The following RIN3 variants were observed in gnomAD, a reference collection of about 807,000 sequenced individuals.
RIN3 encodes RAB5 interacting protein 3.
Under a neutral mutation model 76.3 loss-of-function variants are expected in RIN3, and 54 were observed. The observed-to-expected ratio is 0.71, with a 90% CI of 0.57 to 0.89. RIN3 has a LOEUF of 0.89. Among genes scored for constraint, RIN3 ranks in the 40% least tolerant of loss-of-function variants. The pLI is 0.00. For missense variants in RIN3, 1,256 were observed against 1,322.1 expected (o/e 0.95, Z 0.78); for synonymous variants, 576 against 564.0 (o/e 1.02, Z -0.30).
intron 1 of RIN3, among the ~76,000 whole-genome samples, chr14:92,533,460 C>T (rs1180034738): frequency 2.6e-5 from 4 of 152,124 alleles, no homozygotes; most frequent in Non-Finnish European, 1.5e-5. Context: ...TGGAACCAGC[C>T]CAAATGCCCA....
At position 92,652,947 on chromosome 14, in the gene RIN3, G is replaced by T; in HGVS notation, c.1898G>T (p.Arg633Leu). 1 of 1,613,818 alleles carries T rather than the reference G, an allele frequency of 6.2e-7. No homozygotes were observed. Among genetic ancestry groups the T allele is most frequent in the Non-Finnish European group, 8.5e-7 (1 of 1,180,022 alleles). The change falls in exon 6 of 10, where the codon CGC becomes CTC. Residue 633 changes from arginine (R) to leucine (L), a missense_variant. By Grantham distance (102) the Arg-to-Leu change is moderately radical (BLOSUM62 -2). Transcript: ENST00000216487. The surrounding 1 kb of genome is among the most constrained non-coding windows in gnomAD (Gnocchi z 6.4). Reference sequence around the variant, plus strand: ...GTGTACAGCCTGGAGATGATGGCGCGCCAGACCTCCAGCACGGAGATGCTG... The same window carrying T: ...GTGTACAGCCTGGAGATGATGGCGCTCCAGACCTCCAGCACGGAGATGCTG... ...YKVYSLEMMA[R>L]QTSSTEMLQE...
chr14:92,652,400 A>G lies in RIN3; in HGVS notation c.1351A>G (p.Arg451Gly), dbSNP rs1566887909. The change falls in exon 6 of 10, where the codon AGG (arginine) becomes GGG (glycine). Residue 451 changes from arginine (R) to glycine (G), a missense_variant. Around this residue, in one of 3 missense-constraint regions of RIN3, gnomAD observed 610 missense variants for 626.4 expected, o/e 0.97. Transcript: ENST00000216487. The surrounding 1 kb of genome is among the most constrained non-coding windows in gnomAD (Gnocchi z 6.4). ...SDPHSMPELP[R>G]TAKQPPVPPP... The stretch of plus-strand genomic sequence containing the variant: ...TCCTCACAGCATGCCAGAGCTGCCC[A>G]GGACAGCCAAACAACCCCCAGTCCC... 1.2e-6 allele frequency: 2 copies of G among 1,612,940 alleles called. No homozygotes were observed. The highest frequency in any genetic ancestry group is 8.5e-7 in the Non-Finnish European group (1 of 1,179,510).
intron 1 of RIN3, among the ~76,000 whole-genome samples, chr14:92,549,601 G>A (rs1897369818): frequency 1.3e-5 from 2 of 152,222 alleles, no homozygotes; most frequent in South Asian, 4.1e-4. Context: ...CAGGCACCAT[G>A]CCCAGGAGCT....
rs868620164 is a variant in RIN3, at chr14:92,547,158, T to A, written c.45-8593T>A. Reference sequence around the variant, plus strand: ...AAGTAAATTATCTTTATTTTATTATTATAAAATAAATTATCTTTATTTTAT... The same window carrying A: ...AAGTAAATTATCTTTATTTTATTATAATAAAATAAATTATCTTTATTTTAT... On this transcript the variant is annotated intron_variant, in intron 1 of 9. Transcript: ENST00000216487. Among the ~76,000 whole-genome samples the A allele has an allele frequency of 1.1e-4, 9 of 80,254 alleles. 2 individuals carry two copies. Among genetic ancestry groups the A allele is most frequent in the Admixed American group, 2.6e-4 (2 of 7,756 alleles). The allele number at this position is 80,254 out of a possible 152,430, so 52.6% of individuals were successfully genotyped here. A position where few individuals can be genotyped will look rare whatever the true frequency, so the allele number is the denominator to read the frequency against.
chr14:92,687,836 G>T (rs1888922169), intron 9 of RIN3, 90 bp from the exon 10 acceptor site: 3 of 1,210,248 alleles, frequency 2.5e-6, no homozygotes, highest in Non-Finnish European at 3.3e-6. Flanking sequence ...CCCGCCACCC[G>T]CTATCCATCC....
chr14:92,553,547 G>T (rs984061023), intron 1 of RIN3, among the ~76,000 whole-genome samples: 1 of 151,554 alleles, frequency 6.6e-6, no homozygotes, highest in Admixed American at 6.6e-5. Flanking sequence ...ATCCTACCCC[G>T]CCCCCACCAG....
Position 92,513,945 on chromosome 14 carries a change from G to T in RIN3, c.13G>T (p.Ala5Ser). 6 of 1,245,650 alleles carry T rather than the reference G, an allele frequency of 4.8e-6. No homozygotes were observed. Among genetic ancestry groups the T allele is most frequent in the Non-Finnish European group, 6.0e-6 (6 of 994,958 alleles). 77.2% of individuals were successfully genotyped at this position (1,245,650 alleles called of 1,614,324 possible). A position where few individuals can be genotyped will look rare whatever the true frequency, so the allele number is the denominator to read the frequency against. Reference sequence around the variant, plus strand: ...AGCTGCCGGCGGCATGATCCGACACGCCGGGGCGCCCGCGCGCGGGGACCC... The same window carrying T: ...AGCTGCCGGCGGCATGATCCGACACTCCGGGGCGCCCGCGCGCGGGGACCC... MIRH[A>S]GAPARGDPTG... Residue 5 changes from alanine (A) to serine (S), a missense_variant, in exon 1 of 10, where the codon GCC (alanine) becomes TCC (serine). By Grantham distance (99) the Ala-to-Ser change is moderately conservative. This residue lies in a region of RIN3 where 610 missense variants were observed against 626.4 expected (regional missense o/e 0.97). Coordinates refer to ENST00000216487, the MANE Select transcript of RIN3 (RefSeq NM_024832.5).
In RIN3 at chr14:92,514,884, G is replaced by A; in HGVS notation, c.44+908G>A. Among the ~76,000 whole-genome samples, 1 of 152,212 alleles carries A rather than the reference G, an allele frequency of 6.6e-6. No individual in the cohort carries two copies. On this transcript the variant is annotated intron_variant, in intron 1 of 9. Transcript: ENST00000216487. The surrounding 1 kb of genome is among the most constrained non-coding windows in gnomAD (Gnocchi z 7.2). ...CCTATTTCTGGGTACCCAGGAGCGCGTCTGGGGAGGCCATTCCCAGCTTTT... is the reference window on the plus strand; with the variant it reads ...CCTATTTCTGGGTACCCAGGAGCGCATCTGGGGAGGCCATTCCCAGCTTTT...
In RIN3 at chr14:92,604,542, CG is replaced by C. The variant is rs2140092191; in HGVS notation, c.368-10864del. Among the ~76,000 whole-genome samples, 2 of 152,224 alleles carry C rather than the reference CG, an allele frequency of 1.3e-5. 1 individual carries two copies. The highest frequency in any genetic ancestry group is 4.1e-4 in the South Asian group (2 of 4,820). On this transcript the variant is annotated intron_variant, in intron 3 of 9. Transcript: ENST00000216487. ...TTTTTTCTCCAAGCATTGAGCCCTC[CG>C]AAAGGTCAGAAACTCCTGTCTCCTG...
chr14:92,597,172 ATT>A (rs10536238), intron 3 of RIN3, among the ~76,000 whole-genome samples: 92,193 of 151,814 alleles, frequency 0.61, 28,279 homozygotes, highest in Middle Eastern at 0.67. Flanking sequence ...GTTTATATAT[ATT>A]ATTTTTTATA....
intron 2 of RIN3, among the ~76,000 whole-genome samples, chr14:92,564,573 A>C (rs1266126069): frequency 6.6e-6 from 1 of 152,212 alleles, no homozygotes; most frequent in Non-Finnish European, 1.5e-5. Flanking sequence ...GCTTAAGGAC[A>C]CAGAGCAAAC....
chr14:92,595,346 CAA>C (rs759576319), intron 3 of RIN3, among the ~76,000 whole-genome samples: 1 of 152,338 alleles, frequency 6.6e-6, no homozygotes, highest in African/African-American at 2.4e-5. Context: ...AGAAACAAGA[CAA>C]AGAGCCTTTG....
intron 1 of RIN3, among the ~76,000 whole-genome samples, chr14:92,552,201 A>G (rs1394677117): frequency 6.6e-6 from 1 of 152,222 alleles, no homozygotes; most frequent in East Asian, 1.9e-4. Context: ...TGATCACAAG[A>G]CAGTGAGATG....
chr14:92,652,152 T>C lies in RIN3; in HGVS notation c.1103T>C (p.Leu368Ser). The C allele has an allele frequency of 6.2e-7, 1 of 1,601,348 alleles. No homozygotes were observed. Among genetic ancestry groups the C allele is most frequent in the Non-Finnish European group, 8.5e-7 (1 of 1,173,930 alleles). The change falls in exon 6 of 10, where the codon TTG (leucine) becomes TCG (serine). Residue 368 changes from leucine (L) to serine (S), a missense_variant. This residue lies in a region of RIN3 where 610 missense variants were observed against 626.4 expected (regional missense o/e 0.97). Coordinates refer to ENST00000216487, the MANE Select transcript of RIN3 (RefSeq NM_024832.5). This position sits in a 1 kb window ranked among gnomAD's most constrained non-coding sequence, Gnocchi z 6.4. ...AMKPGAASSP[L>S]QQVPAPPLPA... ...AAGCCAGGGGCAGCCTCCAGTCCCT[T>C]GCAGCAGGTCCCCGCCCCGCCACTG... is the stretch of plus-strand genomic sequence containing the variant.
chr14:92,529,987 A>T (rs981637674), intron 1 of RIN3, among the ~76,000 whole-genome samples: 3 of 152,162 alleles, frequency 2.0e-5, no homozygotes, highest in Admixed American at 2.0e-4. Context: ...AAATGTTGTG[A>T]CCAGACGCTT....
chr14:92,567,624 ATTTTT>A (rs34729914), intron 2 of RIN3, among the ~76,000 whole-genome samples: 3 of 133,632 alleles, frequency 2.2e-5, no homozygotes, highest in African/African-American at 2.8e-5. Flanking sequence ...CTTCTGCTGC[ATTTTT>A]TTTTTTTTTT....
chr14:92,566,986 G>T (rs1897931331), intron 2 of RIN3, among the ~76,000 whole-genome samples: 1 of 152,192 alleles, frequency 6.6e-6, no homozygotes, highest in Admixed American at 6.5e-5. Flanking sequence ...CCAGTGGGTT[G>T]GTTGGGCTAG....
Position 92,620,937 on chromosome 14 carries a change from C to A in RIN3, c.440+5458C>A, listed in dbSNP as rs376830848. On this transcript the variant is annotated intron_variant, in intron 4 of 9. Transcript: ENST00000216487. ...TAAACATAGTGTGAAGCAATGCAAG[C>A]ATGTATGTGAGATTTGGCTTTGCAC... Among the ~76,000 whole-genome samples, 10 of 152,278 alleles carry A rather than the reference C, an allele frequency of 6.6e-5. No individual in the cohort carries two copies. In the East Asian group the frequency reaches 1.3e-3, roughly 21 times the overall value.
At chr14:92,682,593 C>G (rs1595509296) in intron 8 of RIN3, among the ~76,000 whole-genome samples, 1 of 152,260 alleles carries the variant, frequency 6.6e-6, no homozygotes, top group Non-Finnish European at 1.5e-5. Context: ...AGTAATGCGT[C>G]TGGGTTCCAG....
Sources: gnomAD v4.1 joint callset for allele counts (sites outside exome capture counted in the v4.1 genomes callset) on GRCh38, gnomAD v4.1.1 for gene constraint, gnomAD v4.1.1 regional missense constraint, Gnocchi (gnomAD v3.1) non-coding constraint, MANE v1.5 for transcripts, NCBI Gene and HGNC (gene_info 2026-07-23, HGNC 2026-07-21) for gene names.